The following SUSD4 variants were observed in gnomAD, a reference collection of about 807,000 sequenced individuals.
SUSD4 encodes the protein sushi domain containing 4.
In SUSD4, 41 loss-of-function variants were observed where a neutral mutation model predicts 50.5. The ratio of observed to expected loss-of-function variants is 0.81; its 90% CI spans 0.63 to 1.05. The LOEUF is 1.05. SUSD4 is among the 50% of genes least tolerant of loss of function. The probability of loss-of-function intolerance (pLI) is 0.00; values close to 1 mark genes in which losing one functional copy is unlikely to be tolerated. For synonymous variants in SUSD4, 257 were observed against 257.3 expected, an observed-to-expected ratio of 1.00 and a Z score of 0.01; for missense variants, 580 against 634.7, an observed-to-expected ratio of 0.91 and a Z score of 0.93.
At chr1:223,294,833 G>A (rs994109176) in intron 2 of SUSD4, among the ~76,000 whole-genome samples, 3 of 152,156 alleles carry the variant, frequency 2.0e-5, no homozygotes, top group Non-Finnish European at 2.9e-5. Context: ...CCCAGCAGAG[G>A]GGTATTTGAA....
rs760127054 is a variant in SUSD4, at chr1:223,223,517, G to A, written c.1176C>T (p.Pro392=). ...CCTGGCCCACAGAGGCCATGTACCCGGGGCCTAAGGCACTCAAGCCGCCAC... is the reference window on the plus strand; with the variant it reads ...CCTGGCCCACAGAGGCCATGTACCCAGGGCCTAAGGCACTCAAGCCGCCAC... ...AVSGGLSALG[P]GYMASVGQGC... is the part of the protein sequence containing the mutation. Residue 392 remains proline, a synonymous_variant, in exon 8 of 9, where the codon CCC becomes CCT. Coordinates refer to ENST00000366878, the MANE Select transcript of SUSD4 (RefSeq NM_017982.4). The A allele has an allele frequency of 1.5e-5, 24 of 1,612,558 alleles. No homozygotes were observed. The highest frequency in any genetic ancestry group is 4.5e-5 in the East Asian group (2 of 44,788).
In SUSD4 at chr1:223,222,064, T is replaced by C; in HGVS notation, c.*128A>G. 1.2e-6 allele frequency: 1 copy of C among 851,774 alleles called. No homozygotes were observed. Among genetic ancestry groups the C allele is most frequent in the Non-Finnish European group, 1.8e-6 (1 of 543,232 alleles). The allele number at this position is 851,774 out of a possible 1,614,324, so 52.8% of individuals were successfully genotyped here. The stretch of plus-strand genomic sequence containing the variant: ...ACTGTGGAGCCTGAGATGCATAATG[T>C]GAACTGTGGTCCCCATGTAGACAAG... On this transcript the variant is annotated 3_prime_UTR_variant, in exon 9 of 9. Transcript: ENST00000366878.
At chr1:223,279,453 A>G (rs1663530800) in intron 3 of SUSD4, among the ~76,000 whole-genome samples, 1 of 152,258 alleles carries the variant, frequency 6.6e-6, no homozygotes, top group African/African-American at 2.4e-5. Flanking sequence ...GATTCGATCA[A>G]CTGGAAGAAA....
chr1:223,292,580 C>A lies in SUSD4; in HGVS notation c.220G>T (p.Val74Phe), dbSNP rs146420407. The A allele has an allele frequency of 6.2e-7, 1 of 1,614,154 alleles. No homozygotes were observed. Among genetic ancestry groups the A allele is most frequent in the East Asian group, 2.2e-5 (1 of 44,890 alleles). ...ENGFRTPSGG[V>F]FFEGSVARFH... ...CGGGCTACAGAGCCTTCAAAGAAAACCCCTCCGCTGGGGGTCCTGAAGCCA... is the reference window on the plus strand; with the variant it reads ...CGGGCTACAGAGCCTTCAAAGAAAAACCCTCCGCTGGGGGTCCTGAAGCCA... The change falls in exon 3 of 9, where the codon GTT (valine) becomes TTT (phenylalanine). Residue 74 changes from valine (V) to phenylalanine (F), a missense_variant. Transcript: ENST00000366878.
chr1:223,254,285 T>C (rs1004008742), intron 5 of SUSD4, among the ~76,000 whole-genome samples: 2 of 152,134 alleles, frequency 1.3e-5, no homozygotes, highest in Middle Eastern at 3.2e-3. Flanking sequence ...TTCAAACCAA[T>C]GAAGCTGTCA....
intron 2 of SUSD4, among the ~76,000 whole-genome samples, chr1:223,296,991 G>A (rs940295321): frequency 6.6e-6 from 1 of 152,172 alleles, no homozygotes; most frequent in African/African-American, 2.4e-5. Context: ...TAAAGGGCAT[G>A]GAAAATCCAG....
chr1:223,317,098 A>C (rs1368547194), intron 2 of SUSD4, among the ~76,000 whole-genome samples: 1 of 152,226 alleles, frequency 6.6e-6, no homozygotes, highest in African/African-American at 2.4e-5. Context: ...TGGTTAAGGC[A>C]TTGTAAGCCA....
At chr1:223,307,556 A>G (rs530422703) in intron 2 of SUSD4, among the ~76,000 whole-genome samples, 1 of 152,320 alleles carries the variant, frequency 6.6e-6, no homozygotes, top group African/African-American at 2.4e-5. Flanking sequence ...GAGTCCAGAT[A>G]GCATGTGAGG....
At chr1:223,277,011 T>G (rs1663323417) in intron 3 of SUSD4, among the ~76,000 whole-genome samples, 1 of 152,168 alleles carries the variant, frequency 6.6e-6, no homozygotes, top group Admixed American at 6.5e-5. Context: ...ACTGGAAACA[T>G]GAGTATGACC....
At chr1:223,262,959 G>GT (rs1662226649) in intron 5 of SUSD4, among the ~76,000 whole-genome samples, 1 of 152,140 alleles carries the variant, frequency 6.6e-6, no homozygotes, top group Non-Finnish European at 1.5e-5. Flanking sequence ...TCGGCTCCCT[G>GT]TTTTTAACCT....
At position 223,268,400 on chromosome 1, in the gene SUSD4, G is replaced by A. The variant is rs184025869; in HGVS notation, c.535+102C>T. Reference sequence around the variant, plus strand: ...TGGGGTAGATGGCTTTGTTCATTTCGCCCATCATCTCTATCACTTTATTAG... The same window carrying A: ...TGGGGTAGATGGCTTTGTTCATTTCACCCATCATCTCTATCACTTTATTAG... On this transcript the variant is annotated intron_variant, in intron 4 of 8. Coordinates refer to ENST00000366878, the MANE Select transcript of SUSD4 (RefSeq NM_017982.4). The A allele has an allele frequency of 1.5e-3, 2,184 of 1,430,658 alleles. 7 individuals carry two copies. The highest frequency in any genetic ancestry group is 2.6e-3 in the Admixed American group (107 of 41,090). The allele number at this position is 1,430,658 out of a possible 1,614,324, so 88.6% of individuals were successfully genotyped here.
chr1:223,360,249 A>T (rs1346803907), intron 2 of SUSD4: 1 of 470,856 alleles, frequency 2.1e-6, no homozygotes, highest in South Asian at 1.5e-5. Context: ...TCTTCCTTGA[A>T]GCCTGGGGGT....
chr1:223,333,205 C>G (rs825128), intron 2 of SUSD4, among the ~76,000 whole-genome samples: 42,648 of 151,964 alleles, frequency 0.28, 6,545 homozygotes, highest in African/African-American at 0.39. Flanking sequence ...AGAGGCAGTG[C>G]CAGGAGCAGG....
chr1:223,295,481 A>G (rs555278252), intron 2 of SUSD4, among the ~76,000 whole-genome samples: 1 of 152,304 alleles, frequency 6.6e-6, no homozygotes, highest in African/African-American at 2.4e-5. Context: ...CAGAAGGGCA[A>G]GATGAGTGTG....
rs192995588 is a variant in SUSD4 at position 223,243,021 on chromosome 1, T to C, written c.725-13633A>G. On this transcript the variant is annotated intron_variant, in intron 5 of 8. Transcript: ENST00000366878. ...CAGATCCTCTCCTCATCCCATGGTG[T>C]GGTCCAATTAAGCGTGTGAGCTGGA... Among the ~76,000 whole-genome samples, 775 of 152,260 alleles carry C rather than the reference T, an allele frequency of 5.1e-3. 10 individuals carry two copies. The highest frequency in any genetic ancestry group is 6.4e-3 in the Non-Finnish European group (437 of 67,992).
Position 223,272,141 on chromosome 1 carries a change from C to T in SUSD4, c.362-3466G>A, listed in dbSNP as rs528064149. On this transcript the variant is annotated intron_variant, in intron 3 of 8. Transcript: ENST00000366878. ...ACTCGGGAGGCTGAGGCAGGAGAAT[C>T]GCTTGAACCTGGGAGGTGGGGGTTG... Among the ~76,000 whole-genome samples, 55 of 152,302 alleles carry T rather than the reference C, an allele frequency of 3.6e-4. 1 individual carries two copies. In the South Asian group the frequency reaches 9.5e-3, roughly 26 times the overall value.
At chr1:223,301,688 T>G (rs764057259) in intron 2 of SUSD4, among the ~76,000 whole-genome samples, 7 of 152,210 alleles carry the variant, frequency 4.6e-5, no homozygotes, top group Non-Finnish European at 1.5e-5. Context: ...TAACCCTTTA[T>G]GCTGAGGAGG....
chr1:223,233,769 T>G (rs890095986), intron 5 of SUSD4, among the ~76,000 whole-genome samples: 2 of 152,246 alleles, frequency 1.3e-5, no homozygotes, highest in Non-Finnish European at 2.9e-5. Flanking sequence ...TTGCTAGTTC[T>G]AAGGGAAACA....
At chr1:223,224,545 T>C (rs1031267632) in intron 7 of SUSD4, among the ~76,000 whole-genome samples, 3 of 151,956 alleles carry the variant, frequency 2.0e-5, no homozygotes, top group African/African-American at 4.8e-5. Flanking sequence ...CACTACCCCG[T>C]TCAAGCTACG....
Sources: allele counts gnomAD v4.1 joint callset (sites outside exome capture counted in the v4.1 genomes callset), GRCh38; gene constraint gnomAD v4.1.1; transcripts MANE v1.5; gene names NCBI Gene and HGNC (gene_info 2026-07-23, HGNC 2026-07-21).